The following CPPED1 variants were observed in gnomAD, a reference collection of about 807,000 sequenced individuals.
CPPED1 encodes serine/threonine-protein phosphatase CPPED1.
CPPED1 carries 28 observed loss-of-function variants against 28.0 expected under a neutral mutation model. The ratio of observed to expected loss-of-function variants is 1.00; its 90% CI spans 0.74 to 1.37. The LOEUF (loss-of-function observed/expected upper bound fraction) is 1.37. Among genes scored for constraint, CPPED1 ranks in the 40% most tolerant of loss-of-function variants. The pLI, the probability that CPPED1 is intolerant of heterozygous loss-of-function variation, is 0.00. For synonymous variants in CPPED1, 198 were observed against 180.2 expected (o/e 1.10, Z -0.79); for missense variants, 504 against 416.5 (o/e 1.21, Z -1.83).
intron 2 of CPPED1, among the ~76,000 whole-genome samples, chr16:12,763,616 T>C (rs1208662022): frequency 1.3e-5 from 2 of 152,216 alleles, no homozygotes; most frequent in Non-Finnish European, 2.9e-5. Flanking sequence ...ACCATTATTA[T>C]CTGCATTTTA....
chr16:12,725,378 G>A (rs903406717), intron 2 of CPPED1, among the ~76,000 whole-genome samples: 1 of 152,182 alleles, frequency 6.6e-6, no homozygotes, highest in Non-Finnish European at 1.5e-5. Flanking sequence ...ACAGGCATAA[G>A]CCACTGTGCC....
chr16:12,726,786 G>C (rs1350299168), intron 2 of CPPED1, among the ~76,000 whole-genome samples: 1 of 152,032 alleles, frequency 6.6e-6, no homozygotes, highest in Non-Finnish European at 1.5e-5. Flanking sequence ...TCCAGCCTGG[G>C]TGACAGAGCA....
chr16:12,741,872 A>C (rs1258890669), intron 2 of CPPED1, among the ~76,000 whole-genome samples: 1 of 152,096 alleles, frequency 6.6e-6, no homozygotes, highest in Non-Finnish European at 1.5e-5. Context: ...CGAAACCAGC[A>C]TCGCCAACAT....
At chr16:12,667,456 C>G (rs2079831710) in intron 3 of CPPED1, among the ~76,000 whole-genome samples, 1 of 152,034 alleles carries the variant, frequency 6.6e-6, no homozygotes, top group African/African-American at 2.4e-5. Flanking sequence ...AAAAACAACC[C>G]TCAATAAATG....
chr16:12,740,694 C>T (rs1173204390), intron 2 of CPPED1, among the ~76,000 whole-genome samples: 1 of 152,278 alleles, frequency 6.6e-6, no homozygotes, highest in East Asian at 1.9e-4. Flanking sequence ...GCAAGGGCAG[C>T]TTTCCTCAGT....
chr16:12,749,301 T>C (rs1361129812), intron 2 of CPPED1, among the ~76,000 whole-genome samples: 1 of 152,216 alleles, frequency 6.6e-6, no homozygotes, highest in Non-Finnish European at 1.5e-5. Context: ...TTCAGCAATG[T>C]TCGCAGCATC....
intron 2 of CPPED1, among the ~76,000 whole-genome samples, chr16:12,734,525 G>A (rs1002505733): frequency 7.9e-5 from 12 of 152,218 alleles, no homozygotes; most frequent in African/African-American, 2.6e-4. Context: ...GACTACGGGC[G>A]CCAGCCACTG....
intron 2 of CPPED1, among the ~76,000 whole-genome samples, chr16:12,720,752 A>G (rs2080135582): frequency 6.6e-6 from 1 of 152,256 alleles, no homozygotes; most frequent in African/African-American, 2.4e-5. Flanking sequence ...TGCTGGGATT[A>G]CAGGCGTGCG....
intron 1 of CPPED1, among the ~76,000 whole-genome samples, chr16:12,785,563 G>A (rs192290839): frequency 7.0e-4 from 106 of 151,924 alleles, no homozygotes; most frequent in African/African-American, 2.2e-3. Flanking sequence ...GAGTAGCTGC[G>A]ATTACAGGCA....
At chr16:12,770,902 C>T (rs374110196) in intron 2 of CPPED1, among the ~76,000 whole-genome samples, 678 of 42,208 alleles carry the variant, frequency 0.016, 7 homozygotes, top group African/African-American at 0.056. Context: ...AGGGGCGGGG[C>T]GGGGCTGGGA....
intron 2 of CPPED1, among the ~76,000 whole-genome samples, chr16:12,752,744 A>T (rs1159176425): frequency 6.8e-6 from 1 of 147,874 alleles, no homozygotes; most frequent in Non-Finnish European, 1.5e-5. Flanking sequence ...CTGCACCAGA[A>T]TAAAATAAAA....
At chr16:12,680,545 G>C (rs950588350) in intron 3 of CPPED1, among the ~76,000 whole-genome samples, 1 of 152,146 alleles carries the variant, frequency 6.6e-6, no homozygotes. Flanking sequence ...AGTTACTACA[G>C]CTTCTCAGAG....
chr16:12,697,783 A>C (rs1292869855), intron 3 of CPPED1, among the ~76,000 whole-genome samples: 1 of 152,106 alleles, frequency 6.6e-6, no homozygotes, highest in Non-Finnish European at 1.5e-5. Context: ...GAAAAGTTCT[A>C]TTGACCCCTC....
intron 2 of CPPED1, among the ~76,000 whole-genome samples, chr16:12,732,216 A>C (rs1423898164): frequency 7.1e-6 from 1 of 140,900 alleles, no homozygotes; most frequent in Non-Finnish European, 1.5e-5. Context: ...ACAGGATGCT[A>C]TTTTGAAAAG....
Position 12,662,673 on chromosome 16 carries a change from C to G in CPPED1, c.*2213G>C, listed in dbSNP as rs1410127904. The G allele has an allele frequency of 6.6e-6, 1 of 152,206 alleles. No homozygotes were observed. Among genetic ancestry groups the G allele is most frequent in the East Asian group, 1.9e-4 (1 of 5,198 alleles). 9.4% of individuals were successfully genotyped at this position (152,206 alleles called of 1,614,324 possible). ...TAAGTTATTTCACTTAAGATAACAG[C>G]CTCCAGTTCCATCCAGGTTGCTGCA... On this transcript the variant is annotated 3_prime_UTR_variant, in exon 4 of 4. Transcript: ENST00000381774.
chr16:12,775,564 C>G (rs2865880), intron 2 of CPPED1, among the ~76,000 whole-genome samples: 31,481 of 152,144 alleles, frequency 0.21, 3,967 homozygotes, highest in East Asian at 0.29. Flanking sequence ...CTCAATCTAT[C>G]AGTGCTTCTT....
At chr16:12,703,074 G>A (rs541531275) in intron 3 of CPPED1, among the ~76,000 whole-genome samples, 6 of 151,320 alleles carry the variant, frequency 4.0e-5, no homozygotes, top group Admixed American at 6.6e-5. Flanking sequence ...GGCATTAAAT[G>A]TTCTCTCTGG....
chr16:12,747,394 T>C (rs956679664), intron 2 of CPPED1, among the ~76,000 whole-genome samples: 1 of 151,688 alleles, frequency 6.6e-6, no homozygotes, highest in Non-Finnish European at 1.5e-5. Flanking sequence ...ATTGCACCAC[T>C]GCATTCCAGC....
At chr16:12,783,341 T>C (rs1163951218) in intron 1 of CPPED1, among the ~76,000 whole-genome samples, 1 of 151,820 alleles carries the variant, frequency 6.6e-6, no homozygotes, top group Non-Finnish European at 1.5e-5. Context: ...CTACTAAAAA[T>C]ACAAAAAATT....
Sources: allele counts gnomAD v4.1 joint callset (sites outside exome capture counted in the v4.1 genomes callset), GRCh38; gene constraint gnomAD v4.1.1; transcripts MANE v1.5; gene names NCBI Gene and HGNC (gene_info 2026-07-23, HGNC 2026-07-21).